STAB1: variants seen among roughly 807,000 people sequenced by gnomAD.
The protein encoded by STAB1 is stabilin-1.
In STAB1, 250 loss-of-function variants were observed where a neutral mutation model predicts 332.4. That is an observed-to-expected ratio of 0.75 (90% CI 0.68 to 0.84). The LOEUF (loss-of-function observed/expected upper bound fraction) is 0.84, where lower values mean the gene tolerates loss of function less well. Ranked by LOEUF, STAB1 falls within the 40% of genes least tolerant of loss-of-function variation. The pLI, the probability that STAB1 is intolerant of heterozygous loss-of-function variation, is 0.00. For missense variants in STAB1, 3,249 were observed against 3,489.7 expected, an observed-to-expected ratio of 0.93 and a Z score of 1.74; for synonymous variants, 1,475 against 1,390.4, an observed-to-expected ratio of 1.06 and a Z score of -1.35.
rs140814435 is a variant in STAB1 at position 52,503,079 on chromosome 3, G to A, written c.664G>A (p.Gly222Ser). The change falls in exon 7 of 69, where the codon GGC (glycine) becomes AGC (serine). Residue 222 changes from glycine to serine, a missense_variant. Gly to Ser is a moderately conservative substitution (Grantham distance 56). Transcript: ENST00000321725. ...AEAPSCRCLP[G>S]YTQQGSECRA... ...GGCTCCCAGCTGCAGGTGCCTGCCC[G>A]GCTACACACAGCAGGGCAGTGAATG... 6.9e-6 allele frequency: 11 copies of A among 1,600,356 alleles called. No individual in the cohort carries two copies. The highest frequency in any genetic ancestry group is 4.0e-5 in the African/African-American group (3 of 74,858).
At position 52,519,959 on chromosome 3, in the gene STAB1, C is replaced by A. The variant is rs762234916; in HGVS notation, c.5251C>A (p.Pro1751Thr). ...ACCCCACCAGGTGGCCGGCCTCCTG[C>A]CCCTGCTTCGAGAGGCATCCCATAG... ...SGLLKVAGLL[P>T]LLREASHRPF... Residue 1751 changes from proline to threonine, a missense_variant, in exon 51 of 69, where the codon CCC (proline) becomes ACC (threonine). Physicochemically the swap from Pro to Thr is conservative, Grantham distance 38. Coordinates refer to ENST00000321725, the MANE Select transcript of STAB1 (RefSeq NM_015136.3). 3 of 1,585,778 alleles carry A rather than the reference C, an allele frequency of 1.9e-6. No individual in the cohort carries two copies. The highest frequency in any genetic ancestry group is 2.6e-6 in the Non-Finnish European group (3 of 1,165,568).
In STAB1 at chr3:52,509,854, C is replaced by T. The variant is rs781407696; in HGVS notation, c.2348-16C>T. The T allele has an allele frequency of 2.5e-6, 4 of 1,612,930 alleles. No homozygotes were observed. Among genetic ancestry groups the T allele is most frequent in the Non-Finnish European group, 3.4e-6 (4 of 1,179,968 alleles). On this transcript the variant is annotated splice_polypyrimidine_tract_variant and intron_variant, in intron 22 of 68. Coordinates refer to ENST00000321725, the MANE Select transcript of STAB1 (RefSeq NM_015136.3). ...TCCTGCTTCTCAGTTTCCTTGCTCC[C>T]ATCTACTCCATACAGACTGCGGCTG...
rs752607237 is a variant in STAB1, at chr3:52,519,607, C to T, written c.5235+43C>T. ...GCCTGTCATTGTGGACACACATGCA[C>T]GTGTAAGTGTGTGCAAGTGTGTATG... On this transcript the variant is annotated intron_variant, in intron 50 of 68. Transcript: ENST00000321725. 38 of 1,570,796 alleles carry T rather than the reference C, an allele frequency of 2.4e-5. No homozygotes were observed. The African/African-American group carries it at 4.8e-4, about 20-fold the overall frequency.
At chr3:52,513,597 G>A in intron 30 of STAB1, 120 bp from the exon 31 acceptor site, 1 of 1,027,776 alleles carries the variant, frequency 9.7e-7, no homozygotes, top group Non-Finnish European at 1.4e-6. Context: ...CCAGCTTGTG[G>A]GCCAGCCTGC....
In STAB1 at chr3:52,523,760, A is replaced by G; in HGVS notation, c.7395+4A>G. 6.3e-7 allele frequency: 1 copy of G among 1,596,450 alleles called. No homozygotes were observed. The highest frequency in any genetic ancestry group is 1.3e-5 in the African/African-American group (1 of 74,746). On this transcript the variant is annotated splice_donor_region_variant and intron_variant, in intron 66 of 68. Transcript: ENST00000321725. ...CCTCCTGGCACCCCCACAGCCCGTG[A>G]GTTGAGGAAGGGGGAGGCAGAGCCC...
Position 52,509,258 on chromosome 3 carries a change from T to G in STAB1, c.2284T>G (p.Tyr762Asp). The G allele has an allele frequency of 1.2e-6, 2 of 1,613,492 alleles. No individual in the cohort carries two copies. The highest frequency in any genetic ancestry group is 1.7e-6 in the Non-Finnish European group (2 of 1,179,992). Reference protein sequence around the residue: ...GNGACLCFPDYKGIACHICSN... With the variant: ...GNGACLCFPDDKGIACHICSN... Reference sequence around the variant, plus strand: ...TGGGGCCTGCCTCTGCTTCCCAGACTACAAGGGCATCGCCTGCCACATCTG... The same window carrying G: ...TGGGGCCTGCCTCTGCTTCCCAGACGACAAGGGCATCGCCTGCCACATCTG... Residue 762 changes from tyrosine (Y) to aspartate (D), a missense_variant, in exon 22 of 69, where the codon TAC becomes GAC. Physicochemically the swap from Tyr to Asp is radical, Grantham distance 160. Coordinates refer to ENST00000321725, the MANE Select transcript of STAB1 (RefSeq NM_015136.3).
chr3:52,503,447 T>C lies in STAB1; in HGVS notation c.798T>C (p.Asp266=), dbSNP rs757156281. ...QCHCPENYHG[D]GMVCLPKDPC... ...ACTGCCCTGAGAACTACCATGGCGATGGGATGGTGTGTCTGCCCAAGGACC... is the reference window on the plus strand; with the variant it reads ...ACTGCCCTGAGAACTACCATGGCGACGGGATGGTGTGTCTGCCCAAGGACC... Residue 266 remains aspartate (D), a synonymous_variant, in exon 8 of 69, where the codon GAT becomes GAC. Transcript: ENST00000321725. 3 of 1,613,778 alleles carry C rather than the reference T, an allele frequency of 1.9e-6. No homozygotes were observed. The highest frequency in any genetic ancestry group is 2.5e-6 in the Non-Finnish European group (3 of 1,180,006).
In STAB1 at chr3:52,523,460, T is replaced by TC. The variant is rs1338245731; in HGVS notation, c.7176dup (p.Asn2393GlnfsTer27). ...TGGCCCAGACTTGGAGCTGCATGCC[T>TC]CCAACGCCACCCTCCTAAGTGCCAA... is the stretch of plus-strand genomic sequence containing the variant. On this transcript the variant is annotated frameshift_variant, in exon 65 of 69. Transcript: ENST00000321725. LOFTEE classifies it high-confidence loss of function. The TC allele has an allele frequency of 6.2e-7, 1 of 1,610,474 alleles. No homozygotes were observed. The highest frequency in any genetic ancestry group is 1.7e-5 in the Admixed American group (1 of 59,994).
At chr3:52,519,726 C>A in intron 50 of STAB1, 162 bp downstream of exon 50, 1 of 1,217,614 alleles carries the variant, frequency 8.2e-7, no homozygotes, top group Non-Finnish European at 1.1e-6. Flanking sequence ...TGTGCATGTG[C>A]ACCCCAGGTT....
intron 2 of STAB1, 38 bp from the exon 3 acceptor site, chr3:52,501,600 G>T: frequency 6.6e-7 from 1 of 1,526,446 alleles, no homozygotes; most frequent in African/African-American, 1.4e-5. Context: ...CTGTGCAAGG[G>T]AGCCTTTTCC....
chr3:52,522,855 T>C lies in STAB1; in HGVS notation c.6825T>C (p.Cys2275=). ...AHPVVFPVAD[C]GNGRVGIVSL... ...CTGTGGTTTTCCCTGTGGCGGACTG[T>C]GGCAATGGTCGGGTGGGCATAGTCA... Residue 2275 remains cysteine (C), a synonymous_variant, in exon 62 of 69, where the codon TGT becomes TGC. Coordinates refer to ENST00000321725, the MANE Select transcript of STAB1 (RefSeq NM_015136.3). The C allele has an allele frequency of 6.2e-7, 1 of 1,613,306 alleles. No homozygotes were observed. The highest frequency in any genetic ancestry group is 8.5e-7 in the Non-Finnish European group (1 of 1,180,008).
At chr3:52,503,979 T>TGGGGGGGGGGGGGGGGG in intron 9 of STAB1, 49 bp from the exon 10 acceptor site, 1 of 1,539,072 alleles carries the variant, frequency 6.5e-7, no homozygotes, top group Non-Finnish European at 8.9e-7. Context: ...GGGGGTGCGG[T>TGGGGGGGGGGGGGGGGG]GGGGGGGGCC....
In STAB1 at chr3:52,512,384, G is replaced by GC; in HGVS notation, c.2933dup (p.Gly979TrpfsTer5). The GC allele has an allele frequency of 6.2e-7, 1 of 1,611,034 alleles. No individual in the cohort carries two copies. ...GGGGGAGGTCAGCGGGTCTGCACGT[G>GC]CCCCCCTGGCTTTGGGGGTGATGGC... On this transcript the variant is annotated frameshift_variant, in exon 27 of 69. Coordinates refer to ENST00000321725, the MANE Select transcript of STAB1 (RefSeq NM_015136.3). LOFTEE classifies it high-confidence loss of function.
At position 52,516,097 on chromosome 3, in the gene STAB1, G is replaced by T; in HGVS notation, c.4003G>T (p.Gly1335Cys). ...FGTLCEPCPGGLGGVCSGHGQ... is the reference protein window; with the variant it reads ...FGTLCEPCPGCLGGVCSGHGQ... ...CACGCTGTGTGAGCCATGCCCAGGG[G>T]GTCTAGGGGGGGTGTGCTCAGGCCA... Residue 1335 changes from glycine to cysteine, a missense_variant, in exon 38 of 69, where the codon GGT becomes TGT. Transcript: ENST00000321725. 6.2e-7 allele frequency: 1 copy of T among 1,611,940 alleles called. No individual in the cohort carries two copies. Among genetic ancestry groups the T allele is most frequent in the Non-Finnish European group, 8.5e-7 (1 of 1,179,476 alleles).
In STAB1 at chr3:52,516,126, G is replaced by T; in HGVS notation, c.4032G>T (p.Gly1344=). Residue 1344 remains glycine, a synonymous_variant, in exon 38 of 69, where the codon GGG becomes GGT. Transcript: ENST00000321725. ...GGLGGVCSGH[G]QCQDRFLGSG... ...TAGGGGGGGTGTGCTCAGGCCATGG[G>T]CAGTGCCAGGACAGGTTCCTGGGCA... is the stretch of plus-strand genomic sequence containing the variant. The T allele has an allele frequency of 6.2e-7, 1 of 1,612,010 alleles. No homozygotes were observed.
chr3:52,510,786 TG>T (rs1709243026), intron 25 of STAB1, among the ~76,000 whole-genome samples: 1 of 152,226 alleles, frequency 6.6e-6, no homozygotes, highest in African/African-American at 2.4e-5. Context: ...CCCCTGCCCG[TG>T]GGAGTGACCT....
Position 52,523,935 on chromosome 3 carries a change from G to T in STAB1, c.7460G>T (p.Gly2487Val). The T allele has an allele frequency of 6.2e-7, 1 of 1,610,460 alleles. No individual in the cohort carries two copies. ...GGCGTGGGGGCTGTGCTTGCCGCTGGAGCACTGCTTGGCTTGGTGGCCGGA... is the reference window on the plus strand; with the variant it reads ...GGCGTGGGGGCTGTGCTTGCCGCTGTAGCACTGCTTGGCTTGGTGGCCGGA... ...AAGVGAVLAA[G>V]ALLGLVAGAL... The change falls in exon 67 of 69, where the codon GGA becomes GTA. Residue 2487 changes from glycine (G) to valine (V), a missense_variant. Coordinates refer to ENST00000321725, the MANE Select transcript of STAB1 (RefSeq NM_015136.3).
In STAB1 at chr3:52,507,969, A is replaced by C. The variant is rs1364693403; in HGVS notation, c.2091A>C (p.Pro697=). Residue 697 remains proline, a synonymous_variant, in exon 20 of 69, where the codon CCA becomes CCC. Coordinates refer to ENST00000321725, the MANE Select transcript of STAB1 (RefSeq NM_015136.3). ...FPKECVYIHD[P]TGLNVLKKGC... ...AGGAGTGTGTCTACATCCATGACCC[A>C]ACGGGGCTCAATGTGCTAAAGAAGG... 3 of 1,613,680 alleles carry C rather than the reference A, an allele frequency of 1.9e-6. No individual in the cohort carries two copies. In the Admixed American group the frequency reaches 5.0e-5, roughly 27 times the overall value.
In STAB1 at chr3:52,523,885, G is replaced by A. The variant is rs756677411; in HGVS notation, c.7410G>A (p.Ala2470=). 1.4e-5 allele frequency: 22 copies of A among 1,603,672 alleles called. No individual in the cohort carries two copies. The highest frequency in any genetic ancestry group is 1.3e-4 in the Admixed American group (8 of 59,830). Residue 2470 remains alanine, a synonymous_variant, in exon 67 of 69, where the codon GCG becomes GCA. Coordinates refer to ENST00000321725, the MANE Select transcript of STAB1 (RefSeq NM_015136.3). ...LAPPQPQAVL[A]PEAPPVAAGV... is the part of the protein sequence containing the mutation. ...TTTGTTTGTAGCAGGCAGTGCTGGC[G>A]CCTGAAGCCCCACCTGTGGCGGCAG...
Sources: allele counts gnomAD v4.1 joint callset (sites outside exome capture counted in the v4.1 genomes callset), GRCh38; gene constraint gnomAD v4.1.1; transcripts MANE v1.5; gene names NCBI Gene and HGNC (gene_info 2026-07-23, HGNC 2026-07-21).